Variants in ZNF804B observed in about 807,000 individuals in gnomAD.
ZNF804B encodes the protein zinc finger protein 804B.
Under a neutral mutation model 101.4 loss-of-function variants are expected in ZNF804B, and 80 were observed. The ratio of observed to expected loss-of-function variants is 0.79; its 90% CI spans 0.66 to 0.95. The LOEUF is 0.95. ZNF804B is among the 40% of genes least tolerant of loss of function. ZNF804B has a pLI of 0.00. For synonymous variants in ZNF804B, 622 were observed against 558.8 expected (o/e 1.11, Z -1.59); for missense variants, 1,673 against 1,561.9 (o/e 1.07, Z -1.20).
chr7:88,795,348 AC>A (rs1790463009), intron 1 of ZNF804B, among the ~76,000 whole-genome samples: 2 of 150,254 alleles, frequency 1.3e-5, no homozygotes, highest in African/African-American at 4.9e-5. Flanking sequence ...CTGATCTATA[AC>A]TTTTAAAAAA....
At chr7:89,049,731 G>T (rs1789165417) in intron 1 of ZNF804B, among the ~76,000 whole-genome samples, 1 of 152,102 alleles carries the variant, frequency 6.6e-6, no homozygotes, top group Non-Finnish European at 1.5e-5. Flanking sequence ...CCACAGTCTG[G>T]CCAGGCATGG....
At chr7:89,223,750 C>T (rs1789040465) in intron 2 of ZNF804B, among the ~76,000 whole-genome samples, 1 of 151,586 alleles carries the variant, frequency 6.6e-6, no homozygotes, top group African/African-American at 2.4e-5. Flanking sequence ...AATAACACAC[C>T]TGATTTTTTA....
At chr7:88,965,470 A>T (rs71557022) in intron 1 of ZNF804B, among the ~76,000 whole-genome samples, 2 of 151,434 alleles carry the variant, frequency 1.3e-5, no homozygotes, top group East Asian at 3.9e-4. Flanking sequence ...AAGAAGTTTA[A>T]CCTTGAAAGG....
At chr7:89,138,024 T>C (rs1790661871) in intron 1 of ZNF804B, among the ~76,000 whole-genome samples, 1 of 152,142 alleles carries the variant, frequency 6.6e-6, no homozygotes, top group Non-Finnish European at 1.5e-5. Flanking sequence ...CCTTGGCAGC[T>C]TCTATGTGGT....
At chr7:89,071,626 A>G (rs1562876486) in intron 1 of ZNF804B, among the ~76,000 whole-genome samples, 1 of 152,124 alleles carries the variant, frequency 6.6e-6, no homozygotes, top group Non-Finnish European at 1.5e-5. Context: ...TTCAATTACA[A>G]TGTTCTTGTT....
chr7:88,951,466 G>A (rs886677075), intron 1 of ZNF804B, among the ~76,000 whole-genome samples: 7 of 151,680 alleles, frequency 4.6e-5, no homozygotes, highest in South Asian at 2.1e-4. Context: ...ATGCGCGTGC[G>A]CACGCGCACG....
chr7:89,291,668 T>C (rs774184857), intron 2 of ZNF804B, among the ~76,000 whole-genome samples: 1 of 152,062 alleles, frequency 6.6e-6, no homozygotes, highest in African/African-American at 2.4e-5. Context: ...TAAAAGTGAT[T>C]GGACTTAAAG....
intron 1 of ZNF804B, among the ~76,000 whole-genome samples, chr7:88,769,232 G>T (rs561880546): frequency 1.3e-5 from 2 of 152,224 alleles, no homozygotes; most frequent in African/African-American, 4.8e-5. Flanking sequence ...GTTCCCTTTT[G>T]TCCTGGTGGT....
intron 1 of ZNF804B, among the ~76,000 whole-genome samples, chr7:89,070,081 A>C (rs1789513441): frequency 6.6e-6 from 1 of 152,170 alleles, no homozygotes; most frequent in South Asian, 2.1e-4. Context: ...GTTTTCAAAC[A>C]CCCAGACAAT....
At chr7:89,032,729 G>T (rs1158073082) in intron 1 of ZNF804B, among the ~76,000 whole-genome samples, 1 of 152,008 alleles carries the variant, frequency 6.6e-6, no homozygotes, top group Non-Finnish European at 1.5e-5. Flanking sequence ...GGAGTAGGAG[G>T]TAGGCACATA....
At chr7:89,077,994 T>C (rs1233943406) in intron 1 of ZNF804B, among the ~76,000 whole-genome samples, 1 of 152,082 alleles carries the variant, frequency 6.6e-6, no homozygotes, top group Non-Finnish European at 1.5e-5. Flanking sequence ...ATTTCTGTAA[T>C]ACATAAATAA....
chr7:89,297,921 C>G (rs181880759), intron 2 of ZNF804B, among the ~76,000 whole-genome samples: 143 of 149,824 alleles, frequency 9.5e-4, no homozygotes, highest in Non-Finnish European at 1.9e-3. Context: ...CAATAATATT[C>G]TTTAGAGATA....
At chr7:88,815,864 C>T (rs1009283368) in intron 1 of ZNF804B, among the ~76,000 whole-genome samples, 2 of 151,952 alleles carry the variant, frequency 1.3e-5, no homozygotes, top group Admixed American at 6.6e-5. Context: ...CACTCTAGGA[C>T]ACCCATTCAC....
chr7:89,244,745 G>A (rs1789418391), intron 2 of ZNF804B, among the ~76,000 whole-genome samples: 2 of 152,222 alleles, frequency 1.3e-5, no homozygotes, highest in Non-Finnish European at 1.5e-5. Context: ...CTTCAAAGGA[G>A]ATGGTGCAAA....
intron 2 of ZNF804B, among the ~76,000 whole-genome samples, chr7:89,321,013 T>G (rs1400530519): frequency 6.6e-6 from 1 of 152,202 alleles, no homozygotes; most frequent in Admixed American, 6.5e-5. Flanking sequence ...AAAAGTATTC[T>G]TAACATATGA....
In ZNF804B at chr7:89,137,375, G is replaced by A. The variant is rs567907894; in HGVS notation, c.109-80780G>A. On this transcript the variant is annotated intron_variant, in intron 1 of 3. Transcript: ENST00000333190. ...TAGAGACTTGTGGAATGGCTTTGGC[G>A]AAAATTCTAATAGTTATATGAACAA... 1.1e-4 allele frequency among the ~76,000 whole-genome samples: 17 copies of A among 152,152 alleles called. 1 individual carries two copies. In the East Asian group the frequency reaches 1.2e-3, roughly 10 times the overall value.
At chr7:88,920,859 G>A (rs1289569997) in intron 1 of ZNF804B, among the ~76,000 whole-genome samples, 2 of 151,706 alleles carry the variant, frequency 1.3e-5, no homozygotes, top group South Asian at 2.1e-4. Context: ...CATCCCTATC[G>A]GCAGAGACTT....
chr7:89,182,030 G>A (rs1331663837), intron 1 of ZNF804B, among the ~76,000 whole-genome samples: 1 of 152,128 alleles, frequency 6.6e-6, no homozygotes, highest in Non-Finnish European at 1.5e-5. Context: ...ACAACTAATT[G>A]AAATGGAAAC....
intron 1 of ZNF804B, among the ~76,000 whole-genome samples, chr7:88,928,092 T>A (rs1470287837): frequency 6.6e-6 from 1 of 152,132 alleles, no homozygotes; most frequent in African/African-American, 2.4e-5. Flanking sequence ...TGACCAGTCT[T>A]CCAGAAGCTG....
Sources: allele counts gnomAD v4.1 joint callset (sites outside exome capture counted in the v4.1 genomes callset), GRCh38; gene constraint gnomAD v4.1.1; transcripts MANE v1.5; gene names NCBI Gene and HGNC (gene_info 2026-07-23, HGNC 2026-07-21).